ATG7: variants seen among roughly 807,000 people sequenced by gnomAD.
ATG7 encodes ubiquitin-like modifier-activating enzyme ATG7.
Under a neutral mutation model 82.4 loss-of-function variants are expected in ATG7, and 70 were observed. That is an observed-to-expected ratio of 0.85 (90% CI 0.70 to 1.04). ATG7 has a LOEUF of 1.04. Among genes scored for constraint, ATG7 ranks in the 50% least tolerant of loss-of-function variants. The pLI, the probability that ATG7 is intolerant of heterozygous loss-of-function variation, is 0.00. For missense variants in ATG7, 792 were observed against 864.3 expected (o/e 0.92, Z 1.05); for synonymous variants, 287 against 313.0 (o/e 0.92, Z 0.88).
intron 20 of ATG7, among the ~76,000 whole-genome samples, chr3:11,444,014 A>G (rs889574257): frequency 3.3e-5 from 5 of 152,210 alleles, no homozygotes; most frequent in African/African-American, 1.2e-4. Context: ...TCAGTCTGGT[A>G]TATGGGTCTT....
chr3:11,391,967 G>GGGT (rs1553640482), intron 19 of ATG7, among the ~76,000 whole-genome samples: 1 of 130,712 alleles, frequency 7.7e-6, no homozygotes, highest in African/African-American at 3.2e-5. Context: ...TTGGGGGGGG[G>GGGT]GTAATTTCAC....
chr3:11,410,299 T>A (rs898752469), intron 19 of ATG7, among the ~76,000 whole-genome samples: 3 of 152,180 alleles, frequency 2.0e-5, no homozygotes, highest in Admixed American at 1.3e-4. Flanking sequence ...ACCTAGGTAT[T>A]TTTGGGTGTT....
chr3:11,487,333 C>T (rs1312336252), intron 20 of ATG7, among the ~76,000 whole-genome samples: 2 of 44,756 alleles, frequency 4.5e-5, no homozygotes, highest in East Asian at 1.1e-3. Context: ...CTGGCCCGTT[C>T]TCAATGAGCT....
intron 20 of ATG7, among the ~76,000 whole-genome samples, chr3:11,452,992 T>G (rs2085344528): frequency 6.6e-6 from 1 of 152,204 alleles, no homozygotes. Flanking sequence ...GCCCAATTAC[T>G]GCTGACCTGA....
the ATG7 span, among the ~76,000 whole-genome samples, chr3:11,568,174 T>A: frequency 6.6e-6 from 1 of 152,204 alleles, no homozygotes; most frequent in Non-Finnish European, 1.5e-5. This position sits in a 1 kb window ranked among gnomAD's most constrained non-coding sequence, Gnocchi z 5.9. Flanking sequence ...AGGAGCAGAC[T>A]AAAGGTCAGG....
intron 9 of ATG7, among the ~76,000 whole-genome samples, chr3:11,321,335 C>A (rs1950188574): frequency 6.6e-6 from 1 of 152,134 alleles, no homozygotes; most frequent in East Asian, 1.9e-4. Flanking sequence ...GAAGCCTTGG[C>A]TGACTATGAG....
At chr3:11,356,152 G>A (rs1329638583) in intron 14 of ATG7, among the ~76,000 whole-genome samples, 2 of 152,146 alleles carry the variant, frequency 1.3e-5, no homozygotes, top group Non-Finnish European at 2.9e-5. Flanking sequence ...GGGGGCAAGT[G>A]GGGACCGACT....
chr3:11,411,521 G>C (rs892335499), intron 19 of ATG7, among the ~76,000 whole-genome samples: 7 of 149,016 alleles, frequency 4.7e-5, no homozygotes, highest in Non-Finnish European at 4.4e-5. Context: ...TCAGGAGCCT[G>C]AGGCAGGAGA....
At chr3:11,355,977 G>T (rs887717555) in intron 14 of ATG7, among the ~76,000 whole-genome samples, 1 of 152,278 alleles carries the variant, frequency 6.6e-6, no homozygotes, top group African/African-American at 2.4e-5. Flanking sequence ...ATTATACCAC[G>T]AATGGAATGT....
At chr3:11,558,562 G>A (rs757969685), downstream of ATG7, 48 of 1,599,396 alleles carry the variant, frequency 3.0e-5, 1 homozygote, top group Middle Eastern at 5.0e-4. Flanking sequence ...CCCTTCAGGA[G>A]ACCACAGAGG....
intron 11 of ATG7, among the ~76,000 whole-genome samples, chr3:11,339,831 CAG>C (rs1953221324): frequency 6.6e-6 from 1 of 152,200 alleles, no homozygotes; most frequent in African/African-American, 2.4e-5. Context: ...TTCTGTACTG[CAG>C]GTTTCTCAGA....
chr3:11,492,952 A>C (rs1387108159), intron 20 of ATG7, among the ~76,000 whole-genome samples: 2 of 152,254 alleles, frequency 1.3e-5, no homozygotes, highest in Non-Finnish European at 2.9e-5. Context: ...CATGGACAGC[A>C]GCGTGTTATC....
chr3:11,453,327 T>G (rs1251159688), intron 20 of ATG7, among the ~76,000 whole-genome samples: 6 of 152,156 alleles, frequency 3.9e-5, no homozygotes, highest in Non-Finnish European at 8.8e-5. Context: ...TCAGAGTAAT[T>G]CTCAGGGTAA....
At chr3:11,292,937 G>T (rs914440262) in intron 3 of ATG7, among the ~76,000 whole-genome samples, 3 of 152,160 alleles carry the variant, frequency 2.0e-5, no homozygotes, top group Non-Finnish European at 2.9e-5. Context: ...TCATTCCAGA[G>T]GACTGTTTAA....
At position 11,469,372 on chromosome 3, in the gene ATG7, C is replaced by T. The variant is rs139796103; in HGVS notation, c.2079+42446C>T. 1.1e-3 allele frequency among the ~76,000 whole-genome samples: 164 copies of T among 152,108 alleles called. 1 individual carries two copies. Among genetic ancestry groups the T allele is most frequent in the African/African-American group, 3.6e-3 (150 of 41,514 alleles). On this transcript the variant is annotated intron_variant, in intron 20 of 20. Transcript: ENST00000693202. ...GCTGAGGCAGGATAATTGCTTGAAC[C>T]CGGGAGGTGGAGGTTGCGGTGAGCT...
At chr3:11,507,292 A>C (rs1453209004) in intron 20 of ATG7, among the ~76,000 whole-genome samples, 1 of 152,242 alleles carries the variant, frequency 6.6e-6, no homozygotes, top group Non-Finnish European at 1.5e-5. Flanking sequence ...AAAATAAATA[A>C]ATAAAAATTT....
At chr3:11,521,395 G>T (rs1057255140) in intron 20 of ATG7, among the ~76,000 whole-genome samples, 3 of 152,164 alleles carry the variant, frequency 2.0e-5, no homozygotes, top group African/African-American at 7.2e-5. Context: ...GGAGGGGTAT[G>T]TGGTGGTGGA....
At chr3:11,351,782 G>A (rs2075565387) in intron 14 of ATG7, among the ~76,000 whole-genome samples, 1 of 151,758 alleles carries the variant, frequency 6.6e-6, no homozygotes, top group African/African-American at 2.4e-5. Flanking sequence ...AAATACTTGC[G>A]AAACTATTTA....
At chr3:11,315,218 G>T in intron 8 of ATG7, 126 bp from the exon 9 acceptor site, 4 of 849,740 alleles carry the variant, frequency 4.7e-6, no homozygotes, top group Non-Finnish European at 6.7e-6. Flanking sequence ...CTGTAATAGA[G>T]TAAGAGGAGT....
Sources: allele counts gnomAD v4.1 joint callset (sites outside exome capture counted in the v4.1 genomes callset), GRCh38; gene constraint gnomAD v4.1.1; non-coding constraint Gnocchi (gnomAD v3.1); transcripts MANE v1.5; gene names NCBI Gene and HGNC (gene_info 2026-07-23, HGNC 2026-07-21).